CHMP4B: variants seen among roughly 807,000 people sequenced by gnomAD.
CHMP4B encodes charged multivesicular body protein 4B.
Under a neutral mutation model 25.1 loss-of-function variants are expected in CHMP4B, and 1 was observed. That is an observed-to-expected ratio of 0.04 (90% CI 0.01 to 0.19). The LOEUF is 0.19. Among genes scored for constraint, CHMP4B ranks in the 10% least tolerant of loss-of-function variants. The probability of loss-of-function intolerance (pLI) is 1.00; values close to 1 mark genes in which losing one functional copy is unlikely to be tolerated. For synonymous variants in CHMP4B, 101 were observed against 115.6 expected (o/e 0.87, Z 0.81); for missense variants, 151 against 289.7 (o/e 0.52, Z 3.48).
At chr20:33,850,883 G>A (rs1252157610) in intron 2 of CHMP4B, 69 bp from the exon 3 acceptor site, 5 of 1,128,868 alleles carry the variant, frequency 4.4e-6, no homozygotes, top group South Asian at 2.5e-5. Flanking sequence ...TTCTGCTCCC[G>A]CCTTGCCTTG....
chr20:33,816,919 A>G (rs1465920942), intron 1 of CHMP4B, among the ~76,000 whole-genome samples: 1 of 152,248 alleles, frequency 6.6e-6, no homozygotes, highest in Non-Finnish European at 1.5e-5. Flanking sequence ...CCAGAAGCTC[A>G]CAAGAGATAT....
At chr20:33,841,075 G>T (rs547817671) in intron 1 of CHMP4B, among the ~76,000 whole-genome samples, 16 of 152,236 alleles carry the variant, frequency 1.1e-4, no homozygotes, top group Non-Finnish European at 1.6e-4. Context: ...TAAATGATTT[G>T]GAGCGTTTGA....
chr20:33,814,143 CCT>C (rs2122779047), intron 1 of CHMP4B, among the ~76,000 whole-genome samples: 1 of 152,312 alleles, frequency 6.6e-6, no homozygotes, highest in African/African-American at 2.4e-5. Context: ...AGGCTGTCTC[CCT>C]GAGTTTGCTT....
At chr20:33,814,258 T>G (rs1486053178) in intron 1 of CHMP4B, among the ~76,000 whole-genome samples, 1 of 152,170 alleles carries the variant, frequency 6.6e-6, no homozygotes, top group East Asian at 1.9e-4. Context: ...ATTCAGTTAG[T>G]CTGCTTATTC....
At chr20:33,812,038 G>C (rs954051146) in intron 1 of CHMP4B, among the ~76,000 whole-genome samples, 12 of 151,874 alleles carry the variant, frequency 7.9e-5, no homozygotes, top group Admixed American at 7.2e-4. Context: ...CCCCATCCTA[G>C]CATTTCTGTG....
At chr20:33,822,784 C>CT (rs1846509560) in intron 1 of CHMP4B, among the ~76,000 whole-genome samples, 1 of 152,022 alleles carries the variant, frequency 6.6e-6, no homozygotes, top group Non-Finnish European at 1.5e-5. Flanking sequence ...AAGTACTTTT[C>CT]TTTCTTTCTT....
At chr20:33,814,020 C>T (rs1286255112) in intron 1 of CHMP4B, among the ~76,000 whole-genome samples, 4 of 152,290 alleles carry the variant, frequency 2.6e-5, no homozygotes, top group East Asian at 1.9e-4. Flanking sequence ...CATGAGCCAT[C>T]GCACCCAGCC....
intron 1 of CHMP4B, among the ~76,000 whole-genome samples, chr20:33,847,299 A>G (rs1006647956): frequency 2.6e-5 from 4 of 151,610 alleles, no homozygotes; most frequent in Admixed American, 6.6e-5. Flanking sequence ...TTTTTTTTTA[A>G]ACAAAGGGAC....
At chr20:33,828,942 A>G (rs1979168059) in intron 1 of CHMP4B, among the ~76,000 whole-genome samples, 1 of 152,146 alleles carries the variant, frequency 6.6e-6, no homozygotes, top group African/African-American at 2.4e-5. Context: ...TGAGAAGAGA[A>G]CAATATTTGT....
chr20:33,828,399 T>C (rs1979151125), intron 1 of CHMP4B, among the ~76,000 whole-genome samples: 1 of 152,192 alleles, frequency 6.6e-6, no homozygotes, highest in Non-Finnish European at 1.5e-5. Context: ...CAGAATAGTT[T>C]TGAAAATAAA....
chr20:33,843,142 T>C (rs1241445946), intron 1 of CHMP4B, among the ~76,000 whole-genome samples: 1 of 152,238 alleles, frequency 6.6e-6, no homozygotes, highest in African/African-American at 2.4e-5. Flanking sequence ...AGGGTATCTG[T>C]TCTGTATCCT....
At chr20:33,848,367 A>G in intron 1 of CHMP4B, 100 bp from the exon 2 acceptor site, 3 of 1,163,856 alleles carry the variant, frequency 2.6e-6, no homozygotes, top group South Asian at 1.3e-5. Context: ...TGGAAGCAAC[A>G]ACAGAGGTGC....
At chr20:33,842,320 G>A (rs1057356098) in intron 1 of CHMP4B, among the ~76,000 whole-genome samples, 1 of 152,046 alleles carries the variant, frequency 6.6e-6, no homozygotes, top group Non-Finnish European at 1.5e-5. Context: ...ACTTGATTTT[G>A]GGTCTTTTCT....
chr20:33,850,955 C>T lies in CHMP4B; in HGVS notation c.372C>T (p.Asp124=). 1 of 1,608,380 alleles carries T rather than the reference C, an allele frequency of 6.2e-7. No homozygotes were observed. Among genetic ancestry groups the T allele is most frequent in the Non-Finnish European group, 8.5e-7 (1 of 1,174,828 alleles). Residue 124 remains aspartate (D), a synonymous_variant, in exon 3 of 5, where the codon GAC becomes GAT. Transcript: ENST00000217402. ...TACCTGTCCATTGCATTTGAAGGGA[C>T]ATCGATAAAGTTGATGAGTTAATGC... ...KAMKAAHDNM[D]IDKVDELMQD... is the part of the protein sequence containing the mutation.
At chr20:33,843,446 T>A (rs1273838322) in intron 1 of CHMP4B, among the ~76,000 whole-genome samples, 3 of 152,264 alleles carry the variant, frequency 2.0e-5, no homozygotes, top group African/African-American at 7.2e-5. Flanking sequence ...GGGGGTTCTC[T>A]GGCAGAAGAT....
chr20:33,814,703 G>C (rs970468561), intron 1 of CHMP4B, among the ~76,000 whole-genome samples: 22 of 152,310 alleles, frequency 1.4e-4, no homozygotes, highest in African/African-American at 4.1e-4. Flanking sequence ...CATCCAGGCC[G>C]AAGTGCAGTG....
At chr20:33,827,818 TG>T (rs1979135650) in intron 1 of CHMP4B, among the ~76,000 whole-genome samples, 1 of 152,200 alleles carries the variant, frequency 6.6e-6, no homozygotes. Context: ...GACCCGCCTT[TG>T]GGGCCACAGG....
chr20:33,847,991 A>G (rs760228294), intron 1 of CHMP4B, among the ~76,000 whole-genome samples: 3 of 152,188 alleles, frequency 2.0e-5, no homozygotes, highest in Non-Finnish European at 2.9e-5. Context: ...GTGGCATAAA[A>G]TAGTACTTTG....
intron 1 of CHMP4B, among the ~76,000 whole-genome samples, chr20:33,819,269 A>G (rs886151010): frequency 4.6e-5 from 7 of 152,314 alleles, no homozygotes; most frequent in Admixed American, 3.9e-4. Context: ...ATTCTAGCCA[A>G]AGTCTGAGCA....
Sources: gnomAD v4.1 joint callset for allele counts (sites outside exome capture counted in the v4.1 genomes callset) on GRCh38, gnomAD v4.1.1 for gene constraint, MANE v1.5 for transcripts, NCBI Gene and HGNC (gene_info 2026-07-23, HGNC 2026-07-21) for gene names.